Variants in LGSN observed in about 807,000 individuals in gnomAD.
The protein encoded by LGSN is lengsin.
Under a neutral mutation model 19.5 loss-of-function variants are expected in LGSN, and 21 were observed. The ratio of observed to expected loss-of-function variants is 1.07; its 90% CI spans 0.76 to 1.55. The LOEUF (loss-of-function observed/expected upper bound fraction) is 1.55. Ranked by LOEUF, LGSN falls within the 40% of genes most tolerant of loss-of-function variation. LGSN has a pLI of 0.00. For synonymous variants in LGSN, 257 were observed against 215.6 expected (o/e 1.19, Z -1.68); for missense variants, 673 against 608.5 (o/e 1.11, Z -1.12).
the LGSN span, chr6:63,549,362 C>A: frequency 9.2e-5 from 69 of 753,802 alleles, no homozygotes; most frequent in South Asian, 1.5e-4. Context: ...CTGGTTAGGT[C>A]TCTTTTGGGC....
chr6:63,304,130 C>T (rs1468538823), intron 1 of LGSN, among the ~76,000 whole-genome samples: 1 of 152,182 alleles, frequency 6.6e-6, no homozygotes, highest in Non-Finnish European at 1.5e-5. Context: ...TTGATGGATG[C>T]AAGATGAAGG....
At chr6:63,495,766 C>T in the LGSN span, among the ~76,000 whole-genome samples, 1 of 151,332 alleles carries the variant, frequency 6.6e-6, no homozygotes, top group South Asian at 2.1e-4. Flanking sequence ...ATACTTAAAT[C>T]TAATGAGGGG....
At position 63,319,905 on chromosome 6, in the gene LGSN, G is replaced by A. The variant is rs41270559; in HGVS notation, c.30+9C>T. On this transcript the variant is annotated intron_variant, in intron 1 of 3. Transcript: ENST00000370657. ...TTGGTTAAAAACATTTTAATGATTAGCTTCATACCTCCTGCAGAAGGTCCT... is the reference window on the plus strand; with the variant it reads ...TTGGTTAAAAACATTTTAATGATTAACTTCATACCTCCTGCAGAAGGTCCT... 7.5e-6 allele frequency: 12 copies of A among 1,602,082 alleles called. No homozygotes were observed. Among genetic ancestry groups the A allele is most frequent in the Non-Finnish European group, 8.5e-6 (10 of 1,169,684 alleles).
intron 2 of LGSN, among the ~76,000 whole-genome samples, chr6:63,287,419 C>A (rs1304262325): frequency 6.6e-6 from 1 of 152,110 alleles, no homozygotes; most frequent in Non-Finnish European, 1.5e-5. Context: ...TTGGGTCAGG[C>A]ATGGTGGCTC....
chr6:63,366,296 CA>C, the LGSN span, among the ~76,000 whole-genome samples: 3 of 152,142 alleles, frequency 2.0e-5, no homozygotes, highest in East Asian at 5.8e-4. Flanking sequence ...ACACCAATAA[CA>C]GACAAACAGA....
At chr6:63,500,883 A>G in the LGSN span, among the ~76,000 whole-genome samples, 1 of 151,796 alleles carries the variant, frequency 6.6e-6, no homozygotes, top group Non-Finnish European at 1.5e-5. Context: ...ACGTGCCACC[A>G]GGCCTGGCTA....
the LGSN span, among the ~76,000 whole-genome samples, chr6:63,529,584 G>C: frequency 2.6e-3 from 391 of 152,168 alleles, 1 homozygote; most frequent in African/African-American, 8.9e-3. Context: ...TAGAGGAGGG[G>C]CTTAAACTTT....
At chr6:63,540,278 T>C in the LGSN span, among the ~76,000 whole-genome samples, 4 of 152,154 alleles carry the variant, frequency 2.6e-5, no homozygotes, top group Admixed American at 6.5e-5. Context: ...GAATCATAGA[T>C]AGATCTTAAA....
chr6:63,438,957 A>G, the LGSN span, among the ~76,000 whole-genome samples: 1 of 152,230 alleles, frequency 6.6e-6, no homozygotes, highest in African/African-American at 2.4e-5. Context: ...ACCAACACAA[A>G]TGTCCAACAA....
chr6:63,537,701 C>G, the LGSN span, among the ~76,000 whole-genome samples: 2 of 152,232 alleles, frequency 1.3e-5, no homozygotes, highest in African/African-American at 4.8e-5. Context: ...ATTAATTCCA[C>G]TTAAACCATT....
At chr6:63,505,613 G>GAAATAAATAAAT in the LGSN span, among the ~76,000 whole-genome samples, 26 of 102,072 alleles carry the variant, frequency 2.5e-4, 2 homozygotes, top group South Asian at 3.4e-3. Flanking sequence ...AAGAAAGAAA[G>GAAATAAATAAAT]AAAGAAAGAA....
the LGSN span, chr6:63,549,254 C>A: frequency 1.3e-6 from 1 of 747,924 alleles, no homozygotes; most frequent in Non-Finnish European, 2.4e-6. Flanking sequence ...GGTCCAGGGC[C>A]TGGGTGAACT....
intron 2 of LGSN, among the ~76,000 whole-genome samples, chr6:63,289,152 T>C (rs554297157): frequency 6.6e-6 from 1 of 152,326 alleles, no homozygotes; most frequent in African/African-American, 2.4e-5. Flanking sequence ...TCATAGTCAC[T>C]CAACAAATAT....
At chr6:63,377,913 C>CAAAAAAAAAAA in the LGSN span, among the ~76,000 whole-genome samples, 176 of 53,832 alleles carry the variant, frequency 3.3e-3, no homozygotes, top group Middle Eastern at 0.017. Context: ...GACTCCATCT[C>CAAAAAAAAAAA]AAAAAAAAAA....
chr6:63,471,125 T>C, the LGSN span, among the ~76,000 whole-genome samples: 410 of 150,968 alleles, frequency 2.7e-3, no homozygotes, highest in African/African-American at 9.4e-3. Flanking sequence ...TAATTTTTTT[T>C]TTTTGGTTGT....
chr6:63,390,118 CTTTTTTTTTT>C, the LGSN span, among the ~76,000 whole-genome samples: 24 of 66,318 alleles, frequency 3.6e-4, no homozygotes, highest in African/African-American at 1.1e-3. Flanking sequence ...TTCTTTCTTT[CTTTTTTTTTT>C]TTTTTTTTTT....
At chr6:63,350,250 T>C in the LGSN span, among the ~76,000 whole-genome samples, 3 of 152,252 alleles carry the variant, frequency 2.0e-5, no homozygotes, top group African/African-American at 7.2e-5. Context: ...ATTACCTTGA[T>C]TTCTTTCATT....
At chr6:63,535,074 T>C in the LGSN span, among the ~76,000 whole-genome samples, 2 of 150,962 alleles carry the variant, frequency 1.3e-5, no homozygotes, top group African/African-American at 4.9e-5. Flanking sequence ...ATAATAATAA[T>C]AATAATTGTA....
chr6:63,483,768 C>G, the LGSN span, among the ~76,000 whole-genome samples: 3 of 152,004 alleles, frequency 2.0e-5, no homozygotes, highest in Non-Finnish European at 2.9e-5. Context: ...GGTCTTCCTT[C>G]TGTATCTCTC....
Sources: gnomAD v4.1 joint callset for allele counts (sites outside exome capture counted in the v4.1 genomes callset) on GRCh38, gnomAD v4.1.1 for gene constraint, MANE v1.5 for transcripts, NCBI Gene and HGNC (gene_info 2026-07-23, HGNC 2026-07-21) for gene names.